Variants in HBE1 observed in about 807,000 individuals in gnomAD.
The protein encoded by HBE1 is hemoglobin subunit epsilon.
In HBE1, 10 loss-of-function variants were observed where a neutral mutation model predicts 12.1. The ratio of observed to expected loss-of-function variants is 0.83; its 90% CI spans 0.51 to 1.40. The LOEUF (loss-of-function observed/expected upper bound fraction) is 1.40, where lower values mean the gene tolerates loss of function less well. Ranked by LOEUF, HBE1 falls within the 40% of genes most tolerant of loss-of-function variation. HBE1 has a pLI of 0.00. For synonymous variants in HBE1, 78 were observed against 70.4 expected, an observed-to-expected ratio of 1.11 and a Z score of -0.54; for missense variants, 172 against 175.8, an observed-to-expected ratio of 0.98 and a Z score of 0.12.
Position 5,269,632 on chromosome 11 carries a change from A to T in HBE1, c.137T>A (p.Phe46Tyr). 1 of 1,613,632 alleles carries T rather than the reference A, an allele frequency of 6.2e-7. No homozygotes were observed. The highest frequency in any genetic ancestry group is 8.5e-7 in the Non-Finnish European group (1 of 1,179,524). Residue 46 changes from phenylalanine to tyrosine, a missense_variant, in exon 2 of 3, where the codon TTT becomes TAT. Coordinates refer to ENST00000396895, the MANE Select transcript of HBE1 (RefSeq NM_005330.4). ...GGCAGAGGGAGACGACAGGTTTCCAAAGCTGTCAAAAAATCTCTGGGTCCA... is the reference window on the plus strand; with the variant it reads ...GGCAGAGGGAGACGACAGGTTTCCATAGCTGTCAAAAAATCTCTGGGTCCA... ...YPWTQRFFDS[F>Y]GNLSSPSAIL...
Position 5,269,931 on chromosome 11 carries a change from C to G in HBE1, c.-41G>C. 1 of 1,433,556 alleles carries G rather than the reference C, an allele frequency of 7.0e-7. No individual in the cohort carries two copies. Among genetic ancestry groups the G allele is most frequent in the Non-Finnish European group, 9.8e-7 (1 of 1,018,326 alleles). The allele number at this position is 1,433,556 out of a possible 1,614,324, so 88.8% of individuals were successfully genotyped here. On this transcript the variant is annotated 5_prime_UTR_variant, in exon 1 of 3. Coordinates refer to ENST00000396895, the MANE Select transcript of HBE1 (RefSeq NM_005330.4). ...AGCTTGCTAGTGATTGCAGCTGTGT[C>G]GGAAGCAGATATGTGCTGCTGCCTC...
At chr11:5,268,694 T>C in intron 2 of HBE1, 97 bp from the exon 3 acceptor site, 2 of 1,056,300 alleles carry the variant, frequency 1.9e-6, no homozygotes, top group Non-Finnish European at 1.4e-6. Flanking sequence ...AAAACGGCTT[T>C]ATACCTACAT....
chr11:5,269,879 A>G lies in HBE1; in HGVS notation c.12T>C (p.Phe4=), dbSNP rs770248607. 8.7e-6 allele frequency: 14 copies of G among 1,612,506 alleles called. No homozygotes were observed. The highest frequency in any genetic ancestry group is 6.6e-5 in the South Asian group (6 of 91,052). The change falls in exon 1 of 3, where the codon TTT becomes TTC. Residue 4 remains phenylalanine (F), a synonymous_variant. Transcript: ENST00000396895. MVH[F]TAEEKAAVTS... ...TGACGGCAGCCTTCTCCTCAGCAGT[A>G]AAATGCACCATGATGCCAGGCCTGA...
chr11:5,269,774 C>T (rs1848171577), intron 1 of HBE1, 25 bp downstream of exon 1: 1 of 1,576,068 alleles, frequency 6.3e-7, no homozygotes, highest in African/African-American at 1.3e-5. Flanking sequence ...CCCTTCATTC[C>T]CATGCATTGA....
chr11:5,269,731 A>G lies in HBE1; in HGVS notation c.93-55T>C, dbSNP rs188890045. The G allele has an allele frequency of 2.7e-5, 42 of 1,570,400 alleles. No homozygotes were observed. In the East Asian group the frequency reaches 8.7e-4, roughly 33 times the overall value. ...ATTAGAGATGCAAAAAATCTTGAGG[A>G]CTTTCCCAATCAACTTGCTAGGGTA... On this transcript the variant is annotated intron_variant, in intron 1 of 2. Coordinates refer to ENST00000396895, the MANE Select transcript of HBE1 (RefSeq NM_005330.4).
intron 2 of HBE1, among the ~76,000 whole-genome samples, chr11:5,269,152 G>A (rs1848164233): frequency 6.6e-6 from 1 of 152,026 alleles, no homozygotes; most frequent in Admixed American, 6.6e-5. Context: ...TCTACCAAAA[G>A]CCAAATTTCA....
chr11:5,269,062 T>G (rs1848163635), intron 2 of HBE1, among the ~76,000 whole-genome samples: 1 of 152,194 alleles, frequency 6.6e-6, no homozygotes, highest in Non-Finnish European at 1.5e-5. Flanking sequence ...TTATTTTTTT[T>G]GCAAAAATCT....
At chr11:5,268,831 C>T (rs752633352) in intron 2 of HBE1, among the ~76,000 whole-genome samples, 2 of 152,106 alleles carry the variant, frequency 1.3e-5, no homozygotes, top group Non-Finnish European at 2.9e-5. Flanking sequence ...ACCCTCACCC[C>T]CTTCCCCATT....
Position 5,268,415 on chromosome 11 carries a change from T to C in HBE1, c.*54A>G. Reference sequence around the variant, plus strand: ...CTCTCAAGGCCAAGCCCAGTCCCCATGTGCAGAAGGAGGGTGTCAGGGTCA... The same window carrying C: ...CTCTCAAGGCCAAGCCCAGTCCCCACGTGCAGAAGGAGGGTGTCAGGGTCA... On this transcript the variant is annotated 3_prime_UTR_variant, in exon 3 of 3. Transcript: ENST00000396895. 6.4e-7 allele frequency: 1 copy of C among 1,555,264 alleles called. No homozygotes were observed. Among genetic ancestry groups the C allele is most frequent in the Non-Finnish European group, 8.8e-7 (1 of 1,134,008 alleles).
chr11:5,269,569 T>C lies in HBE1; in HGVS notation c.200A>G (p.Lys67Arg), dbSNP rs201307444. The change falls in exon 2 of 3, where the codon AAG becomes AGG. Residue 67 changes from lysine (K) to arginine (R), a missense_variant. Lys to Arg is a conservative substitution (Grantham distance 26, BLOSUM62 2). Coordinates refer to ENST00000396895, the MANE Select transcript of HBE1 (RefSeq NM_005330.4). ...GNPKVKAHGKKVLTSFGDAIK... is the reference protein window; with the variant it reads ...GNPKVKAHGKRVLTSFGDAIK... ...AGCATCTCCAAAGGAAGTCAGCACC[T>C]TCTTGCCATGGGCCTTGACCTTGGG... The C allele has an allele frequency of 2.9e-5, 46 of 1,613,820 alleles. No individual in the cohort carries two copies. Among genetic ancestry groups the C allele is most frequent in the Non-Finnish European group, 3.6e-5 (43 of 1,179,852 alleles).
chr11:5,269,845 A>G lies in HBE1; in HGVS notation c.46T>C (p.Trp16Arg), dbSNP rs1324456381. 1 of 1,613,846 alleles carries G rather than the reference A, an allele frequency of 6.2e-7. No individual in the cohort carries two copies. The highest frequency in any genetic ancestry group is 8.5e-7 in the Non-Finnish European group (1 of 1,179,938). Residue 16 changes from tryptophan (W) to arginine (R), a missense_variant, in exon 1 of 3, where the codon TGG becomes CGG. By Grantham distance (101) the Trp-to-Arg change is moderately radical. Transcript: ENST00000396895. ...AEEKAAVTSL[W>R]SKMNVEEAGG... ...GCCTCTTCCACATTCATCTTGCTCCACAGGCTAGTGACGGCAGCCTTCTCC... is the reference window on the plus strand; with the variant it reads ...GCCTCTTCCACATTCATCTTGCTCCGCAGGCTAGTGACGGCAGCCTTCTCC...
At chr11:5,269,189 A>G (rs1848165204) in intron 2 of HBE1, among the ~76,000 whole-genome samples, 1 of 152,168 alleles carries the variant, frequency 6.6e-6, no homozygotes, top group Non-Finnish European at 1.5e-5. Context: ...CTACAATTCT[A>G]TAATACAATT....
At chr11:5,269,010 A>G (rs986583744) in intron 2 of HBE1, among the ~76,000 whole-genome samples, 4 of 152,228 alleles carry the variant, frequency 2.6e-5, no homozygotes, top group East Asian at 1.9e-4. Flanking sequence ...GAAATTTAAC[A>G]TATTTTAGAA....
chr11:5,268,527 G>A lies in HBE1; in HGVS notation c.386C>T (p.Ala129Val), dbSNP rs773770786. 7.4e-6 allele frequency: 12 copies of A among 1,613,764 alleles called. No homozygotes were observed. Among genetic ancestry groups the A allele is most frequent in the Non-Finnish European group, 1.0e-5 (12 of 1,179,678 alleles). ...FGKEFTPEVQ[A>V]AWQKLVSAVA... ...AGCAGACACCAGCTTCTGCCAGGCA[G>A]CCTGCACTTCAGGGGTGAACTCCTT... Residue 129 changes from alanine to valine, a missense_variant, in exon 3 of 3, where the codon GCT (alanine) becomes GTT (valine). Physicochemically the swap from Ala to Val is moderately conservative, Grantham distance 64 (BLOSUM62 0). Coordinates refer to ENST00000396895, the MANE Select transcript of HBE1 (RefSeq NM_005330.4).
At position 5,268,463 on chromosome 11, in the gene HBE1, G is replaced by A. The variant is rs1247827078; in HGVS notation, c.*6C>T. 3.7e-6 allele frequency: 6 copies of A among 1,612,678 alleles called. No homozygotes were observed. Among genetic ancestry groups the A allele is most frequent in the African/African-American group, 1.3e-5 (1 of 74,910 alleles). ...TCACAGGAACACCTGCAAACTGGAA[G>A]AGAACTCAGTGGTACTTATGGGCCA... On this transcript the variant is annotated 3_prime_UTR_variant, in exon 3 of 3. Transcript: ENST00000396895.
At chr11:5,268,903 T>C (rs1204609078) in intron 2 of HBE1, among the ~76,000 whole-genome samples, 1 of 152,212 alleles carries the variant, frequency 6.6e-6, no homozygotes, top group East Asian at 1.9e-4. Context: ...CTAATTTTTG[T>C]AAATGTAGAA....
chr11:5,268,690 G>T, intron 2 of HBE1, 93 bp from the exon 3 acceptor site: 2 of 636,836 alleles, frequency 3.1e-6, no homozygotes, highest in Non-Finnish European at 5.1e-6. Context: ...AACAAAAACG[G>T]CTTTATACCT....
At chr11:5,269,054 AT>A (rs202117063) in intron 2 of HBE1, among the ~76,000 whole-genome samples, 3 of 151,864 alleles carry the variant, frequency 2.0e-5, no homozygotes, top group African/African-American at 4.8e-5. Context: ...CAAATCTTTT[AT>A]TTTTTTTGCA....
rs774461196 is a variant in HBE1 at position 5,269,529 on chromosome 11, G to T, written c.240C>A (p.Asp80Glu). Residue 80 changes from aspartate to glutamate, a missense_variant, in exon 2 of 3, where the codon GAC (aspartate) becomes GAA (glutamate). Transcript: ENST00000396895. ...GCTTAGCAAAGGCGGGCTTGAGGTT[G>T]TCCATGTTTTTAATAGCATCTCCAA... The part of the protein sequence containing the change: ...TSFGDAIKNM[D>E]NLKPAFAKLS... The T allele has an allele frequency of 6.8e-6, 11 of 1,614,030 alleles. No homozygotes were observed. In the South Asian group the frequency reaches 8.8e-5, roughly 13 times the overall value.
Sources: allele counts gnomAD v4.1 joint callset (sites outside exome capture counted in the v4.1 genomes callset), GRCh38; gene constraint gnomAD v4.1.1; transcripts MANE v1.5; gene names NCBI Gene and HGNC (gene_info 2026-07-23, HGNC 2026-07-21).